The following YJU2 variants were observed in gnomAD, a reference collection of about 807,000 sequenced individuals.
The protein encoded by YJU2 is YJU2 splicing factor homolog.
Under a neutral mutation model 39.6 loss-of-function variants are expected in YJU2, and 28 were observed. The observed-to-expected ratio is 0.71, with a 90% CI of 0.52 to 0.97. YJU2 has a LOEUF of 0.97. YJU2 is among the 50% of genes least tolerant of loss of function. The probability of loss-of-function intolerance (pLI) is 0.00; values close to 1 mark genes in which losing one functional copy is unlikely to be tolerated. For missense variants in YJU2, 328 were observed against 430.4 expected, an observed-to-expected ratio of 0.76 and a Z score of 2.11; for synonymous variants, 184 against 182.4, an observed-to-expected ratio of 1.01 and a Z score of -0.07.
intron 7 of YJU2, among the ~76,000 whole-genome samples, 156 bp downstream of exon 7, chr19:4,267,930 G>T (rs13343335): frequency 6.6e-6 from 1 of 151,924 alleles, no homozygotes; most frequent in Non-Finnish European, 1.5e-5. Context: ...GAAGGCAGGC[G>T]GCTTCTTTTT....
chr19:4,247,128 A>T lies in YJU2; in HGVS notation c.-19A>T. The T allele has an allele frequency of 6.2e-7, 1 of 1,613,152 alleles. No homozygotes were observed. Among genetic ancestry groups the T allele is most frequent in the African/African-American group, 1.3e-5 (1 of 74,994 alleles). The stretch of plus-strand genomic sequence containing the variant: ...CCTAACCATTTCTCAGGTGCTTGCG[A>T]GGTGATCAGAAGGCAAAGATGTCGG... On this transcript the variant is annotated 5_prime_UTR_variant, in exon 1 of 8. Transcript: ENST00000262962.
chr19:4,261,406 G>A (rs149778636), intron 5 of YJU2, among the ~76,000 whole-genome samples: 2,337 of 152,134 alleles, frequency 0.015, 37 homozygotes, highest in African/African-American at 0.04. Flanking sequence ...CTGGAGAATC[G>A]CTTGAACCCA....
intron 4 of YJU2, among the ~76,000 whole-genome samples, chr19:4,257,583 C>T (rs1971031632): frequency 6.6e-6 from 1 of 152,198 alleles, no homozygotes; most frequent in African/African-American, 2.4e-5. Context: ...AAGCAATTCT[C>T]CTGCCTCAGC....
At chr19:4,247,228 A>T in intron 1 of YJU2, 58 bp downstream of exon 1, 7 of 1,481,564 alleles carry the variant, frequency 4.7e-6, no homozygotes, top group Non-Finnish European at 5.6e-6. Flanking sequence ...GAACTCCGGG[A>T]GAGGGAGGAG....
chr19:4,264,455 G>A (rs1046277859), intron 6 of YJU2, among the ~76,000 whole-genome samples: 1 of 148,352 alleles, frequency 6.7e-6, no homozygotes, highest in South Asian at 2.1e-4. Flanking sequence ...CCACAGGCAC[G>A]CACCACCACG....
At chr19:4,252,370 A>G (rs1970984249) in intron 3 of YJU2, among the ~76,000 whole-genome samples, 2 of 152,090 alleles carry the variant, frequency 1.3e-5, no homozygotes, top group Non-Finnish European at 2.9e-5. Context: ...AGGCTGAGGC[A>G]GGCGGATCAT....
intron 4 of YJU2, among the ~76,000 whole-genome samples, chr19:4,254,971 G>A (rs1040214861): frequency 2.7e-5 from 4 of 150,864 alleles, no homozygotes; most frequent in Non-Finnish European, 4.4e-5. Context: ...CAGGAGAATC[G>A]CTTGAACCGG....
chr19:4,253,499 T>C (rs1198337547), intron 3 of YJU2, among the ~76,000 whole-genome samples: 1 of 151,742 alleles, frequency 6.6e-6, no homozygotes, highest in Non-Finnish European at 1.5e-5. Flanking sequence ...GAGGATTGCT[T>C]GAACCCGGGA....
chr19:4,261,115 T>C (rs1219519201), intron 5 of YJU2, among the ~76,000 whole-genome samples: 6 of 152,146 alleles, frequency 3.9e-5, no homozygotes, highest in South Asian at 2.1e-4. Flanking sequence ...GCTGGTCTCA[T>C]GCTCCTGGCC....
In YJU2 at chr19:4,268,623, T is replaced by C. The variant is rs767733500; in HGVS notation, c.899T>C (p.Leu300Pro). 56 of 1,613,604 alleles carry C rather than the reference T, an allele frequency of 3.5e-5. No individual in the cohort carries two copies. The highest frequency in any genetic ancestry group is 4.6e-5 in the Non-Finnish European group (54 of 1,179,760). The change falls in exon 8 of 8, where the codon CTG becomes CCG. Residue 300 changes from leucine (L) to proline (P), a missense_variant. Leu to Pro is a moderately conservative substitution (Grantham distance 98). Coordinates refer to ENST00000262962, the MANE Select transcript of YJU2 (RefSeq NM_018074.6). ...AGGAAGGAGGCCAACCCTACACCCC[T>C]GACGCCTGGCGCGTCCTCCCTGAGC... ...QNRKEANPTP[L>P]TPGASSLSQL...
chr19:4,254,128 A>C (rs1444056162), intron 3 of YJU2, among the ~76,000 whole-genome samples: 1 of 152,146 alleles, frequency 6.6e-6, no homozygotes, highest in Non-Finnish European at 1.5e-5. Flanking sequence ...CAGTGGGCAG[A>C]TGAGAAGAGT....
rs971699792 is a variant in YJU2 at position 4,268,929 on chromosome 19, C to G, written c.*233C>G. ...CGGGGACCCCTGCTGCTCCTGCCCC[C>G]ACCTGTCACTGTGCTTAGGGCTGCA... On this transcript the variant is annotated 3_prime_UTR_variant, in exon 8 of 8. Transcript: ENST00000262962. 1.1e-5 allele frequency: 6 copies of G among 552,662 alleles called. No individual in the cohort carries two copies. Among genetic ancestry groups the G allele is most frequent in the Non-Finnish European group, 2.0e-5 (6 of 305,750 alleles). The allele number at this position is 552,662 out of a possible 1,614,324, so 34.2% of individuals were successfully genotyped here.
chr19:4,255,254 T>A (rs2144692119), intron 4 of YJU2, among the ~76,000 whole-genome samples: 1 of 151,702 alleles, frequency 6.6e-6, no homozygotes, highest in South Asian at 2.1e-4. Context: ...AGAAATTATG[T>A]TCACTTCCAA....
At chr19:4,250,632 C>T (rs997686085) in intron 2 of YJU2, among the ~76,000 whole-genome samples, 40 of 151,162 alleles carry the variant, frequency 2.6e-4, no homozygotes, top group African/African-American at 9.0e-4. Context: ...AGACAGGAGG[C>T]GGGCGTGCTG....
chr19:4,264,293 A>G (rs1162901116), intron 6 of YJU2, among the ~76,000 whole-genome samples: 50 of 136,640 alleles, frequency 3.7e-4, no homozygotes, highest in African/African-American at 1.1e-3. Flanking sequence ...AAAAGAAACG[A>G]TTGTTCTTTC....
At chr19:4,261,544 C>T (rs1971070691) in intron 5 of YJU2, among the ~76,000 whole-genome samples, 1 of 151,612 alleles carries the variant, frequency 6.6e-6, no homozygotes, top group Non-Finnish European at 1.5e-5. Context: ...ACCTGTAATC[C>T]CAGGTACTTG....
chr19:4,262,513 C>T (rs1309371542), intron 6 of YJU2, among the ~76,000 whole-genome samples: 1 of 152,012 alleles, frequency 6.6e-6, no homozygotes, highest in Non-Finnish European at 1.5e-5. Context: ...TTGACTTTTT[C>T]TTAAAAGGCC....
At chr19:4,261,448 G>A (rs747339968) in intron 5 of YJU2, among the ~76,000 whole-genome samples, 3 of 151,798 alleles carry the variant, frequency 2.0e-5, no homozygotes, top group African/African-American at 4.8e-5. Flanking sequence ...CCAAGATCAC[G>A]CCACTGCACT....
At chr19:4,268,432 T>C (rs1023585607) in intron 7 of YJU2, 152 bp from the exon 8 acceptor site, 9 of 596,968 alleles carry the variant, frequency 1.5e-5, no homozygotes, top group African/African-American at 1.5e-4. Flanking sequence ...AAATCTGCAA[T>C]GGGTCCCATC....
Sources: allele counts gnomAD v4.1 joint callset (sites outside exome capture counted in the v4.1 genomes callset), GRCh38; gene constraint gnomAD v4.1.1; transcripts MANE v1.5; gene names NCBI Gene and HGNC (gene_info 2026-07-23, HGNC 2026-07-21).